NRG1: variants seen among roughly 807,000 people sequenced by gnomAD.
NRG1 encodes the protein neuregulin 1, also known as pro-neuregulin-1, membrane-bound isoform.
Under a neutral mutation model 63.8 loss-of-function variants are expected in NRG1, and 18 were observed. That is an observed-to-expected ratio of 0.28 (90% CI 0.19 to 0.42). NRG1 has a LOEUF of 0.42. Ranked by LOEUF, NRG1 falls within the 10% of genes least tolerant of loss-of-function variation. NRG1 has a pLI of 1.00. For missense variants in NRG1, 762 were observed against 814.7 expected (o/e 0.94, Z 0.79); for synonymous variants, 302 against 301.3 (o/e 1.00, Z -0.02).
intron 1 of NRG1, among the ~76,000 whole-genome samples, chr8:31,760,674 T>C (rs1268277779): frequency 6.6e-6 from 1 of 152,078 alleles, no homozygotes; most frequent in Non-Finnish European, 1.5e-5. Flanking sequence ...AAGAAGACAT[T>C]TATGCAGCCA....
At chr8:32,070,809 A>G (rs541849504) in intron 1 of NRG1, among the ~76,000 whole-genome samples, 4 of 152,334 alleles carry the variant, frequency 2.6e-5, no homozygotes, top group African/African-American at 9.6e-5. Flanking sequence ...ATAAAGGACC[A>G]GTGGATTTTT....
chr8:31,984,522 T>C (rs1035728933), intron 1 of NRG1, among the ~76,000 whole-genome samples: 1 of 151,982 alleles, frequency 6.6e-6, no homozygotes. Context: ...TAATATACAA[T>C]TTTGGTCAGG....
At chr8:32,772,061 A>G (rs1370085181), downstream of NRG1, among the ~76,000 whole-genome samples, 12 of 4,676 alleles carry the variant, frequency 2.6e-3, 1 homozygote, top group East Asian at 0.04. Context: ...ATATATATAT[A>G]TATATATATA....
At chr8:31,891,457 A>G (rs1196232223) in intron 1 of NRG1, among the ~76,000 whole-genome samples, 1 of 152,186 alleles carries the variant, frequency 6.6e-6, no homozygotes, top group Non-Finnish European at 1.5e-5. Flanking sequence ...CCAACTATCA[A>G]AATGGCTAAA....
intron 1 of NRG1, among the ~76,000 whole-genome samples, chr8:32,364,817 CATT>C (rs1443206105): frequency 6.6e-6 from 1 of 152,042 alleles, no homozygotes; most frequent in Admixed American, 6.6e-5. Context: ...GTTCTTGTAT[CATT>C]ATCAAAATTT....
chr8:32,476,747 T>C (rs1824571650), intron 1 of NRG1, among the ~76,000 whole-genome samples: 1 of 152,182 alleles, frequency 6.6e-6, no homozygotes, highest in Non-Finnish European at 1.5e-5. Context: ...GACAGTTACT[T>C]TGCTGGAAAG....
rs116001665 is a variant in NRG1, at chr8:32,078,283, C to T, written c.37+438852C>T. 2.7e-3 allele frequency among the ~76,000 whole-genome samples: 415 copies of T among 152,278 alleles called. 4 individuals are homozygous for T. Among genetic ancestry groups the T allele is most frequent in the African/African-American group, 9.5e-3 (395 of 41,548 alleles). ...TAAAAGAGTCTGGTGATTCTCTCCC[C>T]TCTCTCCTGCCTGTGCTCTCACCAT... is the stretch of plus-strand genomic sequence containing the variant. On this transcript the variant is annotated intron_variant, in intron 1 of 10. Coordinates refer to the NRG1 transcript ENST00000519301.
chr8:32,629,090 G>A (rs1022013948), intron 5 of NRG1, among the ~76,000 whole-genome samples: 1 of 152,092 alleles, frequency 6.6e-6, no homozygotes, highest in African/African-American at 2.4e-5. Flanking sequence ...GGTAAATAGT[G>A]CACATAACTC....
At chr8:31,970,613 T>G (rs2129628731) in intron 1 of NRG1, among the ~76,000 whole-genome samples, 1 of 152,264 alleles carries the variant, frequency 6.6e-6, no homozygotes, top group Non-Finnish European at 1.5e-5. Flanking sequence ...AAGCTTTTTC[T>G]TTGCTTTGCT....
chr8:31,782,459 A>G lies in NRG1; in HGVS notation c.37+143028A>G, dbSNP rs186105301. The stretch of plus-strand genomic sequence containing the variant: ...AGATTATATCTTTATTTGCATATTT[A>G]TTATCTGTATTCTGTCTTTAGAATG... On this transcript the variant is annotated intron_variant, in intron 1 of 10. Transcript: ENST00000519301. 3.3e-5 allele frequency among the ~76,000 whole-genome samples: 5 copies of G among 152,234 alleles called. No individual in the cohort carries two copies. In the East Asian group the frequency reaches 9.7e-4, roughly 29 times the overall value.
chr8:32,581,827 A>G (rs1287010435), intron 1 of NRG1, among the ~76,000 whole-genome samples: 1 of 152,194 alleles, frequency 6.6e-6, no homozygotes, highest in Admixed American at 6.5e-5. Context: ...TAGCTTTGCT[A>G]TATTGATCAA....
intron 1 of NRG1, among the ~76,000 whole-genome samples, chr8:32,337,859 A>T (rs1803523873): frequency 6.6e-6 from 1 of 152,078 alleles, no homozygotes; most frequent in Non-Finnish European, 1.5e-5. Flanking sequence ...CATCTCAGAA[A>T]TGAGAAGATT....
intron 1 of NRG1, among the ~76,000 whole-genome samples, chr8:32,108,249 T>C (rs1050652138): frequency 6.6e-6 from 1 of 152,152 alleles, no homozygotes; most frequent in African/African-American, 2.4e-5. Flanking sequence ...CCATTTGTGC[T>C]GCTATAACAA....
intron 1 of NRG1, among the ~76,000 whole-genome samples, chr8:31,802,183 C>T (rs1220796092): frequency 1.3e-5 from 2 of 152,152 alleles, no homozygotes; most frequent in Non-Finnish European, 2.9e-5. Flanking sequence ...GTCTATTACC[C>T]AGTGTTCTTT....
At chr8:32,602,037 T>C (rs1844455580) in intron 2 of NRG1, among the ~76,000 whole-genome samples, 1 of 152,194 alleles carries the variant, frequency 6.6e-6, no homozygotes, top group Admixed American at 6.5e-5. Flanking sequence ...CTTGTGATGC[T>C]TATCTCGATC....
intron 1 of NRG1, among the ~76,000 whole-genome samples, chr8:31,831,861 A>G (rs1825194565): frequency 6.6e-6 from 1 of 152,180 alleles, no homozygotes; most frequent in African/African-American, 2.4e-5. Context: ...CTAGACTCCA[A>G]TCAGTATCCA....
At chr8:32,405,555 TTCTC>T (rs1813840351) in intron 1 of NRG1, among the ~76,000 whole-genome samples, 1 of 152,296 alleles carries the variant, frequency 6.6e-6, no homozygotes, top group South Asian at 2.1e-4. Context: ...TGTCTGATCT[TTCTC>T]TCTCTTTTTT....
chr8:32,343,192 A>G (rs1804296341), intron 1 of NRG1, among the ~76,000 whole-genome samples: 1 of 152,236 alleles, frequency 6.6e-6, no homozygotes, highest in Non-Finnish European at 1.5e-5. Context: ...CCTCCAAATA[A>G]AAACCTCAGA....
chr8:32,568,184 C>T (rs1194784658), intron 1 of NRG1, among the ~76,000 whole-genome samples: 2 of 152,206 alleles, frequency 1.3e-5, no homozygotes, highest in Non-Finnish European at 1.5e-5. Context: ...CAATAGAGCT[C>T]ATTCTCTCTT....
Sources: gnomAD v4.1 joint callset for allele counts (sites outside exome capture counted in the v4.1 genomes callset) on GRCh38, gnomAD v4.1.1 for gene constraint, MANE v1.5 for transcripts, NCBI Gene and HGNC (gene_info 2026-07-23, HGNC 2026-07-21) for gene names.